Variants in TBCK observed in about 807,000 individuals in gnomAD.
TBCK encodes TBC1 domain containing kinase, also known as TBC domain-containing protein kinase-like protein.
A neutral mutation model predicts 113.4 loss-of-function variants in TBCK; 99 were observed. That is an observed-to-expected ratio of 0.87 (90% CI 0.74 to 1.03). The LOEUF (loss-of-function observed/expected upper bound fraction) is 1.03. TBCK is among the 50% of genes least tolerant of loss of function. The pLI is 0.00. For missense variants in TBCK, 1,045 were observed against 1,061.3 expected, an observed-to-expected ratio of 0.98 and a Z score of 0.21; for synonymous variants, 369 against 370.8, an observed-to-expected ratio of 1.00 and a Z score of 0.05.
At position 106,250,572 on chromosome 4, in the gene TBCK, A is replaced by G. The variant is rs532837650; in HGVS notation, c.598-94T>C. 81 of 643,246 alleles carry G rather than the reference A, an allele frequency of 1.3e-4. No individual in the cohort carries two copies. The East Asian group carries it at 2.4e-3, about 19-fold the overall frequency. 39.8% of individuals were successfully genotyped at this position (643,246 alleles called of 1,614,324 possible). On this transcript the variant is annotated intron_variant, in intron 6 of 25. Transcript: ENST00000394708. ...CCTTATAGCTGAAACTGATTTTATC[A>G]GGCATCTTTATTTATCTCCAAAAGT...
intron 25 of TBCK, among the ~76,000 whole-genome samples, chr4:106,079,876 C>T (rs1018108514): frequency 6.6e-5 from 10 of 152,118 alleles, no homozygotes; most frequent in East Asian, 3.9e-4. Context: ...GCGCATCGTA[C>T]ATGGCTGCAG....
chr4:106,050,554 A>G (rs1220589043), intron 25 of TBCK, among the ~76,000 whole-genome samples: 1 of 152,108 alleles, frequency 6.6e-6, no homozygotes, highest in Non-Finnish European at 1.5e-5. Flanking sequence ...AAAAATCTCT[A>G]ACTCTTTCTA....
At position 106,199,268 on chromosome 4, in the gene TBCK, T is replaced by C. The variant is rs1348232027; in HGVS notation, c.1861-4514A>G. Among the ~76,000 whole-genome samples the C allele has an allele frequency of 3.3e-5, 5 of 152,234 alleles. No homozygotes were observed. In the East Asian group the frequency reaches 9.7e-4, roughly 29 times the overall value. ...TACCAATCAGCAGGATTTGACAAAG[T>C]TGACTATTCCCACTTCTTCAGAACA... On this transcript the variant is annotated intron_variant, in intron 20 of 25. Transcript: ENST00000394708.
chr4:106,256,258 C>T (rs955548477), intron 5 of TBCK, among the ~76,000 whole-genome samples: 3 of 152,176 alleles, frequency 2.0e-5, no homozygotes, highest in African/African-American at 7.2e-5. Flanking sequence ...CTGCCCCCTT[C>T]TACCCAGGAA....
Position 106,152,662 on chromosome 4 carries a change from G to T in TBCK, c.2235+18433C>A, listed in dbSNP as rs959591296. On this transcript the variant is annotated intron_variant, in intron 23 of 25. Transcript: ENST00000394708. ...AATAGTCTGAATAGAATTGGTACAC[G>T]TTCTCTTTAAATGTTTGATAGAATT... Among the ~76,000 whole-genome samples, 3 of 151,954 alleles carry T rather than the reference G, an allele frequency of 2.0e-5. No individual in the cohort carries two copies. The East Asian group carries it at 5.8e-4, about 29-fold the overall frequency.
intron 19 of TBCK, among the ~76,000 whole-genome samples, chr4:106,214,178 T>A (rs1225652434): frequency 6.6e-6 from 1 of 151,936 alleles, no homozygotes. Flanking sequence ...GAAGGAAAAC[T>A]AACAAACAGA....
chr4:106,217,817 C>T (rs1171013588), intron 19 of TBCK, among the ~76,000 whole-genome samples: 5 of 150,050 alleles, frequency 3.3e-5, no homozygotes, highest in African/African-American at 4.8e-5. Context: ...AGATTCAATG[C>T]TATCCCCATA....
intron 25 of TBCK, among the ~76,000 whole-genome samples, chr4:106,075,201 A>G (rs550612516): frequency 2.6e-5 from 4 of 152,354 alleles, no homozygotes; most frequent in South Asian, 4.1e-4. Flanking sequence ...TGTAAAGTAC[A>G]TGCAAGTAAA....
Position 106,248,249 on chromosome 4 carries a change from T to C in TBCK, c.778A>G (p.Lys260Glu), listed in dbSNP as rs1279426088. The change falls in exon 9 of 26, where the codon AAG becomes GAG. Residue 260 changes from lysine to glutamate, a missense_variant. Coordinates refer to ENST00000394708, the MANE Select transcript of TBCK (RefSeq NM_001163435.3). ...LNKCLTFHPS[K>E]RPTPDQLMKD... ...CAATCTCTAAATAATATCAACCTCT[T>C]AGAAGGATGGAAGGTAAGGCACTTA... The C allele has an allele frequency of 6.3e-7, 1 of 1,593,272 alleles. No individual in the cohort carries two copies. Among genetic ancestry groups the C allele is most frequent in the East Asian group, 2.3e-5 (1 of 44,144 alleles).
intron 17 of TBCK, 71 bp from the exon 18 acceptor site, chr4:106,231,850 T>C (rs1311477339): frequency 7.4e-7 from 1 of 1,346,338 alleles, no homozygotes; most frequent in African/African-American, 1.5e-5. Context: ...ATATACCTTA[T>C]TCAATTCTTT....
In TBCK at chr4:106,114,892, C is replaced by CTCAT. The variant is rs1743310962; in HGVS notation, c.2411+1307_2411+1310dup. Among the ~76,000 whole-genome samples the CTCAT allele has an allele frequency of 2.0e-5, 3 of 152,220 alleles. No individual in the cohort carries two copies. The South Asian group carries it at 6.2e-4, about 32-fold the overall frequency. On this transcript the variant is annotated intron_variant, in intron 24 of 25. Coordinates refer to ENST00000394708, the MANE Select transcript of TBCK (RefSeq NM_001163435.3). ...TGACCAGTTAAATAGAATTTAATGC[C>CTCAT]TCATTCGGGAGTCCACTCATCCACT... is the stretch of plus-strand genomic sequence containing the variant.
At chr4:106,246,805 A>T (rs1285403092) in intron 10 of TBCK, among the ~76,000 whole-genome samples, 1 of 151,770 alleles carries the variant, frequency 6.6e-6, no homozygotes, top group Non-Finnish European at 1.5e-5. Flanking sequence ...CTGACTAACT[A>T]TATATATATA....
Position 106,042,952 on chromosome 4 carries a change from C to CGG in TBCK, c.*3616_*3617dup, listed in dbSNP as rs1733948604. 6.6e-6 allele frequency: 1 copy of CGG among 152,082 alleles called. No homozygotes were observed. Among genetic ancestry groups the CGG allele is most frequent in the Admixed American group, 6.5e-5 (1 of 15,272 alleles). 9.4% of individuals were successfully genotyped at this position (152,082 alleles called of 1,614,324 possible). On this transcript the variant is annotated 3_prime_UTR_variant, in exon 26 of 26. Coordinates refer to ENST00000394708, the MANE Select transcript of TBCK (RefSeq NM_001163435.3). Reference sequence around the variant, plus strand: ...AGTTATGTCTTGTCATTTCATGGAGCGGAGTTCCTTGAGACGGTCACTTCA... The same window carrying CGG: ...AGTTATGTCTTGTCATTTCATGGAGCGGGGAGTTCCTTGAGACGGTCACTTCA...
Position 106,244,656 on chromosome 4 carries a change from C to G in TBCK, c.1040G>C (p.Arg347Pro). 1 of 1,611,182 alleles carries G rather than the reference C, an allele frequency of 6.2e-7. No homozygotes were observed. Among genetic ancestry groups the G allele is most frequent in the Non-Finnish European group, 8.5e-7 (1 of 1,178,886 alleles). The part of the protein sequence containing the change: ...EKELVNKEII[R>P]SKPPICTLPN... ...GAGTGTGCAGATAGGTGGTTTGGAT[C>G]GAATGATTTCCTTGTTGACAAGCTC... Residue 347 changes from arginine (R) to proline (P), a missense_variant, in exon 11 of 26, where the codon CGA (arginine) becomes CCA (proline). Physicochemically the swap from Arg to Pro is moderately radical, Grantham distance 103 (BLOSUM62 -2). Transcript: ENST00000394708.
intron 24 of TBCK, among the ~76,000 whole-genome samples, chr4:106,102,210 A>T (rs748394234): frequency 6.6e-6 from 1 of 152,150 alleles, no homozygotes; most frequent in Non-Finnish European, 1.5e-5. Context: ...TAAGTGGGTA[A>T]AGTTTGTCTT....
rs764386338 is a variant in TBCK at position 106,127,136 on chromosome 4, A to C, written c.2236-10758T>G. Among the ~76,000 whole-genome samples, 4 of 141,836 alleles carry C rather than the reference A, an allele frequency of 2.8e-5. No homozygotes were observed. In the East Asian group the frequency reaches 9.0e-4, roughly 32 times the overall value. The allele number at this position is 141,836 out of a possible 152,430, so 93.0% of individuals were successfully genotyped here. On this transcript the variant is annotated intron_variant, in intron 23 of 25. Coordinates refer to ENST00000394708, the MANE Select transcript of TBCK (RefSeq NM_001163435.3). ...GGCAGGAGAATCGCTTGAACCCAGG[A>C]GGCGGATATTGCAGTGAGCTGAGAT...
chr4:106,308,205 T>C (rs1169864339), intron 2 of TBCK, among the ~76,000 whole-genome samples: 2 of 152,222 alleles, frequency 1.3e-5, no homozygotes, highest in Non-Finnish European at 2.9e-5. Flanking sequence ...AATTCATTCA[T>C]TCAGCTAACA....
intron 19 of TBCK, among the ~76,000 whole-genome samples, chr4:106,223,164 C>T (rs1183959464): frequency 6.6e-6 from 1 of 152,050 alleles, no homozygotes; most frequent in African/African-American, 2.4e-5. Context: ...CACTAAGCTG[C>T]ACATATATTA....
chr4:106,109,452 G>C (rs1410183783), intron 24 of TBCK, among the ~76,000 whole-genome samples: 1 of 152,062 alleles, frequency 6.6e-6, no homozygotes, highest in East Asian at 1.9e-4. Flanking sequence ...ACAGAATAGA[G>C]AGCCTAGAAA....
Sources: allele counts gnomAD v4.1 joint callset (sites outside exome capture counted in the v4.1 genomes callset), GRCh38; gene constraint gnomAD v4.1.1; transcripts MANE v1.5; gene names NCBI Gene and HGNC (gene_info 2026-07-23, HGNC 2026-07-21).